Variants in STAP1 observed in about 807,000 individuals in gnomAD.
STAP1 encodes the protein signal-transducing adaptor protein 1.
Under a neutral mutation model 37.8 loss-of-function variants are expected in STAP1, and 30 were observed. The ratio of observed to expected loss-of-function variants is 0.79; its 90% confidence interval spans 0.59 to 1.08. The LOEUF is 1.08. STAP1 is among the 50% of genes least tolerant of loss of function. The probability of loss-of-function intolerance (pLI) is 0.00; values close to 1 mark genes in which losing one functional copy is unlikely to be tolerated. For missense variants in STAP1, 357 were observed against 349.4 expected, an observed-to-expected ratio of 1.02 and a Z score of -0.17; for synonymous variants, 130 against 116.0, an observed-to-expected ratio of 1.12 and a Z score of -0.78.
At chr4:67,582,157 C>G (rs1043344796) in intron 5 of STAP1, among the ~76,000 whole-genome samples, 1 of 152,064 alleles carries the variant, frequency 6.6e-6, no homozygotes, top group African/African-American at 2.4e-5. Flanking sequence ...CCACCAGCAA[C>G]TGATGGACTG....
chr4:67,577,282 T>C (rs573494604), intron 4 of STAP1, 23 bp downstream of exon 4: 15 of 1,590,090 alleles, frequency 9.4e-6, no homozygotes, highest in Admixed American at 3.6e-5. Context: ...CTGCTTTTGA[T>C]TGATTCTTTT....
At chr4:67,578,756 A>G (rs1006338081) in intron 4 of STAP1, among the ~76,000 whole-genome samples, 2 of 152,184 alleles carry the variant, frequency 1.3e-5, no homozygotes, top group Non-Finnish European at 2.9e-5. Flanking sequence ...CCTGGAGTAA[A>G]AATAAAAAGC....
chr4:67,588,567 G>T (rs952129186), intron 6 of STAP1, among the ~76,000 whole-genome samples: 2 of 151,902 alleles, frequency 1.3e-5, no homozygotes, highest in African/African-American at 4.8e-5. Flanking sequence ...CCACCACCAC[G>T]CCCGGCTAAT....
At chr4:67,598,516 TTC>T (rs1464864889) in intron 8 of STAP1, among the ~76,000 whole-genome samples, 10 of 152,244 alleles carry the variant, frequency 6.6e-5, no homozygotes, top group African/African-American at 2.4e-4. Flanking sequence ...TGATCTGCAT[TTC>T]TCTGATGATC....
Position 67,588,039 on chromosome 4 carries a change from T to TAAAA in STAP1, c.660-2822_660-2819dup, listed in dbSNP as rs3032636. ...GCACCCGGCTGGGGACACATTTTCT[T>TAAAA]AAAAAAAAAAAAAAAAAAAAAAAAA... On this transcript the variant is annotated intron_variant, in intron 6 of 8. Transcript: ENST00000265404. Among the ~76,000 whole-genome samples the TAAAA allele has an allele frequency of 3.6e-3, 304 of 85,626 alleles. 19 individuals are homozygous for TAAAA. The highest frequency in any genetic ancestry group is 0.013 in the African/African-American group (256 of 19,926). 56.2% of individuals were successfully genotyped at this position (85,626 alleles called of 152,430 possible).
chr4:67,566,012 G>A (rs1025174943), intron 1 of STAP1, among the ~76,000 whole-genome samples: 8 of 131,994 alleles, frequency 6.1e-5, no homozygotes, highest in East Asian at 2.3e-4. Context: ...GCAGTGGCGC[G>A]ATCTCTGCTC....
chr4:67,599,616 GT>G (rs1358730728), intron 8 of STAP1, among the ~76,000 whole-genome samples: 3 of 151,086 alleles, frequency 2.0e-5, no homozygotes, highest in Admixed American at 2.0e-4. Flanking sequence ...CTGAGTAAAG[GT>G]TTGTTGATTT....
chr4:67,585,967 AAG>A (rs1246847314), intron 6 of STAP1, among the ~76,000 whole-genome samples: 2 of 152,352 alleles, frequency 1.3e-5, no homozygotes, highest in Non-Finnish European at 2.9e-5. Context: ...ATTAAAAATT[AAG>A]AGAGAGCAGA....
intron 6 of STAP1, 118 bp from the exon 7 acceptor site, chr4:67,590,761 TTTTTG>T: frequency 2.5e-6 from 1 of 407,274 alleles, no homozygotes; most frequent in East Asian, 4.1e-5. Flanking sequence ...TTTTTTTTTT[TTTTTG>T]CCAAACTATA....
Position 67,575,420 on chromosome 4 carries a change from C to T in STAP1, c.228C>T (p.Cys76=). The change falls in exon 3 of 9, where the codon TGC becomes TGT. Residue 76 remains cysteine (C), a synonymous_variant. Transcript: ENST00000265404. ...VDKLDIVDLT[C]LTEQNSTEKN... ...AATTAGACATAGTAGACCTCACATGCCTTACTGAGCAGAATTCAACTGAAA... is the reference window on the plus strand; with the variant it reads ...AATTAGACATAGTAGACCTCACATGTCTTACTGAGCAGAATTCAACTGAAA... 6.2e-7 allele frequency: 1 copy of T among 1,602,334 alleles called. No homozygotes were observed.
rs1304840730 is a variant in STAP1, at chr4:67,571,066, A to C, written c.121-18A>C. On this transcript the variant is annotated intron_variant, in intron 1 of 8. Coordinates refer to ENST00000265404, the MANE Select transcript of STAP1 (RefSeq NM_012108.4). ...AATATACACTAATGAAATAATGTTTATGGTTTCTTTCCCACAGGAGTATGA... is the reference window on the plus strand; with the variant it reads ...AATATACACTAATGAAATAATGTTTCTGGTTTCTTTCCCACAGGAGTATGA... 1 of 1,593,600 alleles carries C rather than the reference A, an allele frequency of 6.3e-7. No individual in the cohort carries two copies. The highest frequency in any genetic ancestry group is 1.7e-5 in the Admixed American group (1 of 59,168).
chr4:67,591,600 T>C (rs1728120605), intron 7 of STAP1, among the ~76,000 whole-genome samples: 1 of 152,208 alleles, frequency 6.6e-6, no homozygotes, highest in Non-Finnish European at 1.5e-5. Context: ...GATTTTAGGC[T>C]GCAGTAGTGG....
intron 2 of STAP1, 56 bp downstream of exon 2, chr4:67,571,211 G>A: frequency 8.3e-7 from 1 of 1,203,474 alleles, no homozygotes; most frequent in South Asian, 1.3e-5. Flanking sequence ...TTGTCACATA[G>A]CATATTATTC....
At chr4:67,580,055 A>C (rs549369984) in intron 4 of STAP1, among the ~76,000 whole-genome samples, 2 of 152,194 alleles carry the variant, frequency 1.3e-5, no homozygotes, top group East Asian at 3.9e-4. Context: ...AACGGGTTTC[A>C]TAATGTTAGC....
intron 8 of STAP1, among the ~76,000 whole-genome samples, chr4:67,596,492 G>T (rs1469141629): frequency 6.6e-6 from 1 of 152,190 alleles, no homozygotes; most frequent in African/African-American, 2.4e-5. Context: ...GGTGGAACAG[G>T]TTGGAGGTCT....
Position 67,606,451 on chromosome 4 carries a change from T to C in STAP1, c.*94T>C. On this transcript the variant is annotated 3_prime_UTR_variant, in exon 9 of 9. Transcript: ENST00000265404. ...AAGAGAATTACCTATATTCTCCTGA[T>C]ACTGATTACCAAGTCATTCACCTGA... The C allele has an allele frequency of 2.0e-6, 2 of 1,011,604 alleles. No individual in the cohort carries two copies. Among genetic ancestry groups the C allele is most frequent in the Admixed American group, 2.8e-5 (1 of 36,158 alleles). The allele number at this position is 1,011,604 out of a possible 1,614,324, so 62.7% of individuals were successfully genotyped here.
Position 67,575,367 on chromosome 4 carries a change from C to A in STAP1, c.193-18C>A. ...TACCCATGAAATAATGTAATGTGATCTTCCTTTATCTTTGCAGTATGTTGA... is the reference window on the plus strand; with the variant it reads ...TACCCATGAAATAATGTAATGTGATATTCCTTTATCTTTGCAGTATGTTGA... On this transcript the variant is annotated intron_variant, in intron 2 of 8. Transcript: ENST00000265404. The A allele has an allele frequency of 2.0e-6, 3 of 1,505,064 alleles. No individual in the cohort carries two copies. The highest frequency in any genetic ancestry group is 2.7e-6 in the Non-Finnish European group (3 of 1,112,416). 93.2% of individuals were successfully genotyped at this position (1,505,064 alleles called of 1,614,324 possible).
intron 1 of STAP1, 85 bp downstream of exon 1, chr4:67,559,014 TC>T (rs1411023902): frequency 2.3e-6 from 3 of 1,282,624 alleles, no homozygotes; most frequent in Non-Finnish European, 3.1e-6. Flanking sequence ...TGTTAAGACC[TC>T]CTTGTTTCTG....
At chr4:67,602,910 C>T (rs1276538254) in intron 8 of STAP1, among the ~76,000 whole-genome samples, 3 of 152,150 alleles carry the variant, frequency 2.0e-5, no homozygotes, top group Non-Finnish European at 4.4e-5. Context: ...ACTCAAGGCT[C>T]AAGGGCTCAT....
Sources: allele counts gnomAD v4.1 joint callset (sites outside exome capture counted in the v4.1 genomes callset), GRCh38; gene constraint gnomAD v4.1.1; transcripts MANE v1.5; gene names NCBI Gene and HGNC (gene_info 2026-07-23, HGNC 2026-07-21).